Variants in CNOT9 observed in about 807,000 individuals in gnomAD.
The protein encoded by CNOT9 is RCD1 required for cell differentiation1 homolog.
In CNOT9, 8 loss-of-function variants were observed where a neutral mutation model predicts 37.4. The observed-to-expected ratio is 0.21, with a 90% confidence interval of 0.13 to 0.39. CNOT9 has a LOEUF of 0.39. Among genes scored for constraint, CNOT9 ranks in the 10% least tolerant of loss-of-function variants. The pLI, the probability that CNOT9 is intolerant of heterozygous loss-of-function variation, is 1.00. For synonymous variants in CNOT9, 120 were observed against 137.6 expected (o/e 0.87, Z 0.90); for missense variants, 154 against 365.3 (o/e 0.42, Z 4.71).
intron 1 of CNOT9, among the ~76,000 whole-genome samples, chr2:218,573,438 A>G (rs113882620): frequency 0.013 from 1,944 of 152,294 alleles, 47 homozygotes; most frequent in African/African-American, 0.045. Flanking sequence ...CTGACACCCA[A>G]ATCCACGTGT....
chr2:218,590,054 GT>G (rs71064464), intron 5 of CNOT9, among the ~76,000 whole-genome samples: 90,492 of 146,846 alleles, frequency 0.62, 27,412 homozygotes, highest in East Asian at 0.79. Flanking sequence ...GCTTTTTTCT[GT>G]TTTTTTTTTT....
chr2:218,578,515 T>A (rs2106083766), intron 1 of CNOT9, among the ~76,000 whole-genome samples: 1 of 152,334 alleles, frequency 6.6e-6, no homozygotes, highest in East Asian at 1.9e-4. Context: ...TGGGAACTTA[T>A]AAGTACTGTG....
chr2:218,581,074 CA>C (rs575403007), intron 2 of CNOT9: 47 of 481,312 alleles, frequency 9.8e-5, no homozygotes, highest in African/African-American at 5.1e-4. Flanking sequence ...ATCTACATGA[CA>C]GGGGGAGGAA....
At chr2:218,587,259 A>G (rs1694625128) in intron 4 of CNOT9, 1 of 164,974 alleles carries the variant, frequency 6.1e-6, no homozygotes, top group African/African-American at 2.4e-5. Flanking sequence ...AGTAGCTGGG[A>G]TTACAGGAGC....
chr2:218,589,973 G>T (rs1694720062), intron 5 of CNOT9, among the ~76,000 whole-genome samples: 1 of 152,138 alleles, frequency 6.6e-6, no homozygotes, highest in South Asian at 2.1e-4. Flanking sequence ...TTCGTGGTTA[G>T]CTCTGAGGAA....
chr2:218,593,523 T>A (rs1694847585), intron 7 of CNOT9: 1 of 1,490,804 alleles, frequency 6.7e-7, no homozygotes, highest in East Asian at 2.5e-5. Flanking sequence ...ATTTACCTTT[T>A]TTAGGTTTTC....
intron 3 of CNOT9, 143 bp from the exon 4 acceptor site, chr2:218,584,469 A>G: frequency 1.4e-6 from 1 of 703,428 alleles, no homozygotes; most frequent in East Asian, 2.5e-5. Flanking sequence ...GGTTGAGACT[A>G]ATGACCAGTA....
intron 5 of CNOT9, among the ~76,000 whole-genome samples, chr2:218,591,716 C>G (rs1427409699): frequency 6.6e-6 from 1 of 150,626 alleles, no homozygotes; most frequent in East Asian, 2.0e-4. Flanking sequence ...GCACTCCAGT[C>G]TGGGCGACAG....
chr2:218,588,588 C>CTGTTTTTTTT (rs1694671490), intron 5 of CNOT9, among the ~76,000 whole-genome samples: 5 of 33,450 alleles, frequency 1.5e-4, no homozygotes, highest in Non-Finnish European at 2.4e-4. Flanking sequence ...TCCACCCGGC[C>CTGTTTTTTTT]TTTTTTTTTT....
In CNOT9 at chr2:218,595,799, T is replaced by C. The variant is rs1241986453; in HGVS notation, c.*1523T>C. On this transcript the variant is annotated 3_prime_UTR_variant, in exon 8 of 8. Coordinates refer to ENST00000273064, the MANE Select transcript of CNOT9 (RefSeq NM_005444.3). ...GAGGCAGTTTTGCCAACACAAGGGCTCTTTCAAGCCGACTTTCACAAAGAG... is the reference window on the plus strand; with the variant it reads ...GAGGCAGTTTTGCCAACACAAGGGCCCTTTCAAGCCGACTTTCACAAAGAG... The C allele has an allele frequency of 3.3e-5, 5 of 151,024 alleles. No individual in the cohort carries two copies. The allele number at this position is 151,024 out of a possible 1,614,324, so 9.4% of individuals were successfully genotyped here.
chr2:218,584,232 T>C (rs948615847), intron 3 of CNOT9, among the ~76,000 whole-genome samples: 7 of 152,204 alleles, frequency 4.6e-5, no homozygotes, highest in Non-Finnish European at 8.8e-5. Flanking sequence ...ACTAGGGTTT[T>C]CAGCTTTGGC....
At chr2:218,572,685 G>A in intron 1 of CNOT9, 1 of 985,398 alleles carries the variant, frequency 1.0e-6, no homozygotes, top group Non-Finnish European at 1.2e-6. Flanking sequence ...TGTAATGGAT[G>A]TTATGCTTGT....
At chr2:218,584,485 G>A (rs1694524492) in intron 3 of CNOT9, 127 bp from the exon 4 acceptor site, 4 of 759,656 alleles carry the variant, frequency 5.3e-6, no homozygotes, top group Non-Finnish European at 9.4e-6. Context: ...CAGTAACATT[G>A]TTTTCCTAAG....
Position 218,594,367 on chromosome 2 carries a change from G to A in CNOT9, c.*91G>A, listed in dbSNP as rs1266803552. 2.9e-6 allele frequency: 4 copies of A among 1,384,590 alleles called. No individual in the cohort carries two copies. Among genetic ancestry groups the A allele is most frequent in the African/African-American group, 2.9e-5 (2 of 69,786 alleles). The allele number at this position is 1,384,590 out of a possible 1,614,324, so 85.8% of individuals were successfully genotyped here. A position where few individuals can be genotyped will look rare whatever the true frequency, so the allele number is the denominator to read the frequency against. On this transcript the variant is annotated 3_prime_UTR_variant, in exon 8 of 8. Coordinates refer to ENST00000273064, the MANE Select transcript of CNOT9 (RefSeq NM_005444.3). The stretch of plus-strand genomic sequence containing the variant: ...CAGCTCAGGTTTTATCACCGACTGG[G>A]AATAGACAACCTCAATGCTGAACCG...
At chr2:218,577,774 T>C (rs1371093120) in intron 1 of CNOT9, among the ~76,000 whole-genome samples, 1 of 152,208 alleles carries the variant, frequency 6.6e-6, no homozygotes, top group Admixed American at 6.5e-5. Flanking sequence ...TGGAGTTTAC[T>C]GATGGTGGTA....
At chr2:218,574,596 A>T (rs950925052) in intron 1 of CNOT9, among the ~76,000 whole-genome samples, 3 of 152,198 alleles carry the variant, frequency 2.0e-5, no homozygotes, top group African/African-American at 4.8e-5. Context: ...TCTGCTGTAC[A>T]CTGGCTGTGT....
rs1345234346 is a variant in CNOT9 at position 218,593,951 on chromosome 2, T to TATAG, written c.732-157_732-156insATAG. ...CAGATTTTGGAGATCTCTAAGCCTA[T>TATAG]GCCTAATATAGCTTTAGAGAATTTT... On this transcript the variant is annotated intron_variant, in intron 7 of 7. Transcript: ENST00000273064. 2.4e-5 allele frequency: 23 copies of TATAG among 959,340 alleles called. No individual in the cohort carries two copies. The African/African-American group carries it at 3.8e-4, about 16-fold the overall frequency. The allele number at this position is 959,340 out of a possible 1,614,324, so 59.4% of individuals were successfully genotyped here.
chr2:218,587,691 A>G lies in CNOT9; in HGVS notation c.536A>G (p.Lys179Arg), dbSNP rs773985784. The change falls in exon 5 of 8, where the codon AAA (lysine) becomes AGA (arginine). Residue 179 changes from lysine (K) to arginine (R), a missense_variant. Around this residue, in one of 2 missense-constraint regions of CNOT9, gnomAD observed 117 missense variants for 325.4 expected, o/e 0.36. Transcript: ENST00000273064. ...ATGGAATCTGGAAGTGAACTTTCTA[A>G]AACAGTATGTACTTTTAACTTAGAT... ...RIMESGSELS[K>R]TVATFILQKI... The G allele has an allele frequency of 1.2e-5, 19 of 1,562,066 alleles. No individual in the cohort carries two copies. The highest frequency in any genetic ancestry group is 1.7e-5 in the Non-Finnish European group (19 of 1,139,826).
At chr2:218,580,822 G>A in intron 2 of CNOT9, 82 bp downstream of exon 2, 1 of 1,257,502 alleles carries the variant, frequency 8.0e-7, no homozygotes, top group East Asian at 2.3e-5. Context: ...ATGATTTGAA[G>A]ACTTTAGGAG....
Sources: gnomAD v4.1 joint callset for allele counts (sites outside exome capture counted in the v4.1 genomes callset) on GRCh38, gnomAD v4.1.1 for gene constraint, gnomAD v4.1.1 regional missense constraint, MANE v1.5 for transcripts, NCBI Gene and HGNC (gene_info 2026-07-23, HGNC 2026-07-21) for gene names.